Variants in BCL2L13 observed in about 807,000 individuals in gnomAD.
The protein encoded by BCL2L13 is bcl-2-like protein 13.
Under a neutral mutation model 25.8 loss-of-function variants are expected in BCL2L13, and 13 were observed. That is an observed-to-expected ratio of 0.50 (90% confidence interval 0.33 to 0.80). The LOEUF (loss-of-function observed/expected upper bound fraction) is 0.80. BCL2L13 is among the 30% of genes least tolerant of loss of function. The pLI is 0.02. For missense variants in BCL2L13, 504 were observed against 574.9 expected (o/e 0.88, Z 1.26); for synonymous variants, 244 against 230.3 (o/e 1.06, Z -0.54).
chr22:17,690,303 A>G (rs2060068152), intron 4 of BCL2L13, among the ~76,000 whole-genome samples: 1 of 151,586 alleles, frequency 6.6e-6, no homozygotes, highest in Non-Finnish European at 1.5e-5. Flanking sequence ...TCCAGCCTGC[A>G]TGACAGAGGG....
In BCL2L13 at chr22:17,656,335, C is replaced by CTTTTTTTTTTT. The variant is rs890631679; in HGVS notation, c.121+526_121+536dup. On this transcript the variant is annotated intron_variant, in intron 2 of 6. Coordinates refer to ENST00000317582, the MANE Select transcript of BCL2L13 (RefSeq NM_015367.4). Reference sequence around the variant, plus strand: ...CAAAAGTATTTTTTTTCATTTTATTCTTTTTTTTTTTTTTTTTTTTTTTTT... The same window carrying CTTTTTTTTTTT: ...CAAAAGTATTTTTTTTCATTTTATTCTTTTTTTTTTTTTTTTTTTTTTTTTTTTTTTTTTTT... 3.6e-3 allele frequency among the ~76,000 whole-genome samples: 209 copies of CTTTTTTTTTTT among 57,892 alleles called. 23 individuals are homozygous for CTTTTTTTTTTT. Among genetic ancestry groups the CTTTTTTTTTTT allele is most frequent in the East Asian group, 0.022 (25 of 1,142 alleles). The allele number at this position is 57,892 out of a possible 152,430, so 38.0% of individuals were successfully genotyped here.
intron 1 of BCL2L13, among the ~76,000 whole-genome samples, chr22:17,630,322 C>T (rs944664624): frequency 1.3e-5 from 2 of 151,642 alleles, no homozygotes; most frequent in African/African-American, 2.4e-5. Context: ...CTCTGTCGCC[C>T]AGGCTGCAGT....
chr22:17,702,773 C>G (rs1453648524), intron 6 of BCL2L13: 1 of 154,328 alleles, frequency 6.5e-6, no homozygotes, highest in African/African-American at 2.4e-5. Flanking sequence ...TTTTCAATTA[C>G]TAATTTAATT....
rs1387938717 is a variant in BCL2L13, at chr22:17,651,589, C to G, written c.-50-4073C>G. 2.0e-5 allele frequency among the ~76,000 whole-genome samples: 3 copies of G among 150,860 alleles called. No homozygotes were observed. The East Asian group carries it at 5.9e-4, about 30-fold the overall frequency. On this transcript the variant is annotated intron_variant, in intron 1 of 6. Transcript: ENST00000317582. ...TAGAGACGGGTTTTCACCATGTTGG[C>G]CAGGCTGGTCTCGAACTCCTGACCT...
In BCL2L13 at chr22:17,727,527, A is replaced by G. The variant is rs2061331750; in HGVS notation, c.1451A>G (p.Lys484Arg). The G allele has an allele frequency of 1.2e-6, 2 of 1,613,738 alleles. No individual in the cohort carries two copies. The highest frequency in any genetic ancestry group is 1.7e-6 in the Non-Finnish European group (2 of 1,179,710). The change falls in exon 7 of 7, where the codon AAG becomes AGG. Residue 484 changes from lysine to arginine, a missense_variant. Transcript: ENST00000317582. Reference protein sequence around the residue: ...VAIGVALALRKK With the variant: ...VAIGVALALRRK Reference sequence around the variant, plus strand: ...ATCGGGGTAGCCCTGGCTCTGAGAAAGAAATAGGAGGCTTTTCAGAAGAGA... The same window carrying G: ...ATCGGGGTAGCCCTGGCTCTGAGAAGGAAATAGGAGGCTTTTCAGAAGAGA...
chr22:17,710,067 T>TAAAAAAAAAAAAAAAAAAAAAAAAA (rs71201876), intron 6 of BCL2L13, among the ~76,000 whole-genome samples: 1 of 91,790 alleles, frequency 1.1e-5, no homozygotes, highest in Non-Finnish European at 1.9e-5. Flanking sequence ...GACCTTGTCT[T>TAAAAAAAAAAAAAAAAAAAAAAAAA]AAAAAAAAAA....
At chr22:17,633,164 C>A (rs2058056928) in intron 1 of BCL2L13, among the ~76,000 whole-genome samples, 2 of 152,184 alleles carry the variant, frequency 1.3e-5, no homozygotes, top group African/African-American at 4.8e-5. Flanking sequence ...ACATTTGTCA[C>A]ATTTACTTCA....
chr22:17,630,860 G>T (rs1372050809), intron 1 of BCL2L13, among the ~76,000 whole-genome samples: 1 of 151,764 alleles, frequency 6.6e-6, no homozygotes, highest in Non-Finnish European at 1.5e-5. Context: ...CAAAGTGCTG[G>T]GATTACAGAC....
chr22:17,720,582 C>G (rs2061092788), intron 6 of BCL2L13, among the ~76,000 whole-genome samples: 1 of 151,576 alleles, frequency 6.6e-6, no homozygotes, highest in Non-Finnish European at 1.5e-5. Flanking sequence ...TCAGGCTGGT[C>G]TCGAACTCCT....
rs752947615 is a variant in BCL2L13, at chr22:17,655,815, A to T, written c.104A>T (p.His35Leu). 2.2e-5 allele frequency: 36 copies of T among 1,613,450 alleles called. No individual in the cohort carries two copies. The highest frequency in any genetic ancestry group is 3.1e-5 in the Non-Finnish European group (36 of 1,179,754). ...TCTCAAGAGAAGCTGCAAGAGCAAC[A>T]TCTTTCCTCACCCCAAGGTATTATC... is the stretch of plus-strand genomic sequence containing the variant. ...LLSQEKLQEQ[H>L]LSSPQGVQLD... The change falls in exon 2 of 7, where the codon CAT becomes CTT. Residue 35 changes from histidine (H) to leucine (L), a missense_variant. Coordinates refer to ENST00000317582, the MANE Select transcript of BCL2L13 (RefSeq NM_015367.4).
intron 1 of BCL2L13, among the ~76,000 whole-genome samples, chr22:17,652,741 A>C (rs2058727472): frequency 6.6e-6 from 1 of 152,102 alleles, no homozygotes; most frequent in Non-Finnish European, 1.5e-5. Flanking sequence ...CCCGGCCATC[A>C]GATTTCTTGA....
At chr22:17,639,941 G>T (rs936063404) in intron 1 of BCL2L13, among the ~76,000 whole-genome samples, 1 of 150,730 alleles carries the variant, frequency 6.6e-6, no homozygotes, top group Non-Finnish European at 1.5e-5. Context: ...CGCAACCTCC[G>T]CCTCCTGGGT....
intron 2 of BCL2L13, among the ~76,000 whole-genome samples, chr22:17,658,095 C>T (rs532951384): frequency 1.7e-3 from 260 of 151,452 alleles, no homozygotes; most frequent in Admixed American, 5.5e-3. Flanking sequence ...GCTGGGATTA[C>T]GGGCATGAGC....
chr22:17,718,217 A>C (rs890334477), intron 6 of BCL2L13, among the ~76,000 whole-genome samples: 4 of 152,194 alleles, frequency 2.6e-5, no homozygotes, highest in African/African-American at 9.7e-5. Flanking sequence ...GAAAATGTTG[A>C]TGGAAGGGAA....
chr22:17,721,180 A>AAAT (rs1555897639), intron 6 of BCL2L13, among the ~76,000 whole-genome samples: 5 of 151,182 alleles, frequency 3.3e-5, no homozygotes, highest in African/African-American at 1.2e-4. Flanking sequence ...AAAAAAAAAA[A>AAAT]ATATATATAT....
chr22:17,642,031 C>G (rs2058307487), intron 1 of BCL2L13, among the ~76,000 whole-genome samples: 1 of 151,734 alleles, frequency 6.6e-6, no homozygotes, highest in Non-Finnish European at 1.5e-5. Flanking sequence ...CATCTCCTGA[C>G]CTTATTATCT....
chr22:17,684,370 A>G (rs2059845766), intron 3 of BCL2L13, among the ~76,000 whole-genome samples: 1 of 152,298 alleles, frequency 6.6e-6, no homozygotes, highest in Middle Eastern at 3.4e-3. Flanking sequence ...CACAGAATTT[A>G]TCACCATGAT....
chr22:17,668,395 G>C (rs940944283), intron 2 of BCL2L13, among the ~76,000 whole-genome samples: 1 of 151,376 alleles, frequency 6.6e-6, no homozygotes, highest in African/African-American at 2.4e-5. Flanking sequence ...ATTTTCACCT[G>C]TGTTTCCTTC....
intron 6 of BCL2L13, among the ~76,000 whole-genome samples, chr22:17,715,505 C>T (rs1489932129): frequency 6.6e-6 from 1 of 151,788 alleles, no homozygotes; most frequent in Non-Finnish European, 1.5e-5. Context: ...CTATACATAA[C>T]ATTATATTAA....
Sources: gnomAD v4.1 joint callset for allele counts (sites outside exome capture counted in the v4.1 genomes callset) on GRCh38, gnomAD v4.1.1 for gene constraint, MANE v1.5 for transcripts, NCBI Gene and HGNC (gene_info 2026-07-23, HGNC 2026-07-21) for gene names.